Variants in RYR2 observed in about 807,000 individuals in gnomAD.
The protein encoded by RYR2 is ryanodine receptor 2, also known as cardiac muscle ryanodine receptor-calcium release channel.
Under a neutral mutation model 601.1 loss-of-function variants are expected in RYR2, and 227 were observed. That is an observed-to-expected ratio of 0.38 (90% CI 0.34 to 0.42). The LOEUF is 0.42. RYR2 is among the 10% of genes least tolerant of loss of function. The probability of loss-of-function intolerance (pLI) is 1.00; values close to 1 mark genes in which losing one functional copy is unlikely to be tolerated. For missense variants in RYR2, 4,646 were observed against 6,156.5 expected (o/e 0.75, Z 8.21); for synonymous variants, 2,223 against 2,175.1 (o/e 1.02, Z -0.61).
At chr1:237,641,033 C>A in intron 47 of RYR2, 31 bp downstream of exon 47, 2 of 1,525,308 alleles carry the variant, frequency 1.3e-6, no homozygotes, top group East Asian at 2.3e-5. Context: ...GAGCAGCAAT[C>A]CTGATTTCTC....
chr1:237,536,521 T>A (rs538665520), intron 25 of RYR2, among the ~76,000 whole-genome samples: 1 of 151,938 alleles, frequency 6.6e-6, no homozygotes, highest in Non-Finnish European at 1.5e-5. Context: ...GAGACCATCC[T>A]GGCTAACATG....
At chr1:237,690,732 A>G (rs759088124) in intron 63 of RYR2, among the ~76,000 whole-genome samples, 16 of 152,102 alleles carry the variant, frequency 1.1e-4, no homozygotes, top group Non-Finnish European at 1.9e-4. Context: ...GTCTGGTGGC[A>G]TACACCTTTG....
At chr1:237,534,437 T>C (rs1241701210) in intron 25 of RYR2, among the ~76,000 whole-genome samples, 1 of 151,974 alleles carries the variant, frequency 6.6e-6, no homozygotes, top group African/African-American at 2.4e-5. Context: ...CAAAGATTAA[T>C]AAAAATATAA....
chr1:237,793,540 A>G (rs1175473430), intron 94 of RYR2, among the ~76,000 whole-genome samples: 2 of 152,210 alleles, frequency 1.3e-5, no homozygotes, highest in African/African-American at 2.4e-5. Flanking sequence ...ATTCATGTTG[A>G]GAGATATATG....
At chr1:237,759,290 G>A (rs898452696) in intron 82 of RYR2, among the ~76,000 whole-genome samples, 7 of 152,170 alleles carry the variant, frequency 4.6e-5, no homozygotes, top group Admixed American at 4.6e-4. Flanking sequence ...GTTTCACTAT[G>A]TTGGTCAGGC....
chr1:237,762,791 T>A (rs1208239476), intron 84 of RYR2, among the ~76,000 whole-genome samples: 2 of 152,234 alleles, frequency 1.3e-5, no homozygotes, highest in Admixed American at 6.5e-5. Context: ...TTTGTATTAT[T>A]TCCTTACAAA....
chr1:237,068,914 T>A (rs12081226), intron 1 of RYR2, among the ~76,000 whole-genome samples: 2,881 of 152,242 alleles, frequency 0.019, 87 homozygotes, highest in African/African-American at 0.066. Flanking sequence ...CATGTAATGG[T>A]AACATTGCAC....
chr1:237,650,124 G>C, intron 50 of RYR2, 27 bp downstream of exon 50: 3 of 1,583,934 alleles, frequency 1.9e-6, no homozygotes, highest in Non-Finnish European at 2.6e-6. Flanking sequence ...TTCTATTCCG[G>C]CTTCTTCTTT....
intron 58 of RYR2, among the ~76,000 whole-genome samples, chr1:237,670,019 G>A (rs2148890469): frequency 6.6e-6 from 1 of 152,198 alleles, no homozygotes; most frequent in South Asian, 2.1e-4. Context: ...GAGTGAACGA[G>A]ACTCCGTCTG....
intron 29 of RYR2, among the ~76,000 whole-genome samples, 182 bp from the exon 30 acceptor site, chr1:237,589,611 T>C (rs1674923573): frequency 6.6e-6 from 1 of 152,206 alleles, no homozygotes; most frequent in African/African-American, 2.4e-5. Context: ...CAAGATCAAA[T>C]CCTGGTTTTC....
chr1:237,791,487 C>G lies in RYR2; in HGVS notation c.13535C>G (p.Ala4512Gly), dbSNP rs1202979466. 3 of 1,566,268 alleles carry G rather than the reference C, an allele frequency of 1.9e-6. No homozygotes were observed. The highest frequency in any genetic ancestry group is 1.2e-5 in the South Asian group (1 of 86,120). The change falls in exon 93 of 105, where the codon GCT becomes GGT. Residue 4512 changes from alanine (A) to glycine (G), a missense_variant. Ala to Gly is a moderately conservative substitution (Grantham distance 60). Coordinates refer to ENST00000366574, the MANE Select transcript of RYR2 (RefSeq NM_001035.3). ...ATGTTAGCCTTATTTGTCGCATTTG[C>G]TATCAATTTCATCTTGCTCTTTTAT... The part of the protein sequence containing the change: ...MRMLALFVAF[A>G]INFILLFYKV...
Position 237,610,676 on chromosome 1 carries a change from C to G in RYR2, c.4684-86C>G. On this transcript the variant is annotated intron_variant, in intron 35 of 104. Coordinates refer to ENST00000366574, the MANE Select transcript of RYR2 (RefSeq NM_001035.3). This position sits in a 1 kb window ranked among gnomAD's most constrained non-coding sequence, Gnocchi z 4.9. The stretch of plus-strand genomic sequence containing the variant: ...TAGGGTTATCTTACTTTCCCTGTCT[C>G]TGTCCTGTGCAGAATTCTAGTCATT... The G allele has an allele frequency of 2.8e-6, 3 of 1,078,448 alleles. No homozygotes were observed. The highest frequency in any genetic ancestry group is 4.1e-6 in the Non-Finnish European group (3 of 739,476). 66.8% of individuals were successfully genotyped at this position (1,078,448 alleles called of 1,614,324 possible). A position where few individuals can be genotyped will look rare whatever the true frequency, so the allele number is the denominator to read the frequency against.
intron 80 of RYR2, among the ~76,000 whole-genome samples, chr1:237,746,667 T>C (rs752830701): frequency 3.9e-5 from 6 of 152,174 alleles, no homozygotes; most frequent in Non-Finnish European, 8.8e-5. Flanking sequence ...TAAATAACTT[T>C]ATTGCATATT....
At chr1:237,408,439 G>T (rs1704126963) in intron 10 of RYR2, among the ~76,000 whole-genome samples, 1 of 126,508 alleles carries the variant, frequency 7.9e-6, no homozygotes, top group African/African-American at 3.6e-5. Flanking sequence ...TACTATTTGG[G>T]GAGAATGTCC....
At chr1:237,464,299 T>C (rs1558863591) in intron 16 of RYR2, among the ~76,000 whole-genome samples, 4 of 152,170 alleles carry the variant, frequency 2.6e-5, no homozygotes. Flanking sequence ...TCGTCTATTT[T>C]TTCTCTAAGA....
intron 48 of RYR2, among the ~76,000 whole-genome samples, chr1:237,646,094 G>T (rs1240167042): frequency 2.6e-5 from 4 of 152,084 alleles, no homozygotes; most frequent in Admixed American, 6.6e-5. Flanking sequence ...AGCCAGGATG[G>T]TCTCGATCTC....
intron 42 of RYR2, among the ~76,000 whole-genome samples, chr1:237,632,389 C>CTTTTTTTTTTTTTTTTTTTTT (rs11448751): frequency 1.6e-5 from 2 of 127,370 alleles, no homozygotes. Context: ...AAAGTGAATT[C>CTTTTTTTTTTTTTTTTTTTTT]TTTTTTTTTT....
intron 18 of RYR2, 36 bp downstream of exon 18, chr1:237,491,960 C>A: frequency 1.1e-6 from 1 of 885,262 alleles, no homozygotes; most frequent in South Asian, 1.6e-5. Flanking sequence ...AATGAATTCT[C>A]AAATCCTTTT....
chr1:237,209,644 G>A (rs1405266860), intron 1 of RYR2, among the ~76,000 whole-genome samples: 1 of 151,998 alleles, frequency 6.6e-6, no homozygotes, highest in African/African-American at 2.4e-5. Context: ...CTTGAGTTCA[G>A]GAGTTGGAGA....
Sources: allele counts gnomAD v4.1 joint callset (sites outside exome capture counted in the v4.1 genomes callset), GRCh38; gene constraint gnomAD v4.1.1; non-coding constraint Gnocchi (gnomAD v3.1); transcripts MANE v1.5; gene names NCBI Gene and HGNC (gene_info 2026-07-23, HGNC 2026-07-21).